The following CEP70 variants were observed in gnomAD, a reference collection of about 807,000 sequenced individuals.
CEP70 encodes the protein centrosomal protein 70, also known as centrosomal protein of 70 kDa.
CEP70 carries 70 observed loss-of-function variants against 90.9 expected under a neutral mutation model. The observed-to-expected ratio is 0.77, with a 90% CI of 0.64 to 0.94. CEP70 has a LOEUF of 0.94. CEP70 is among the 40% of genes least tolerant of loss of function. CEP70 has a pLI of 0.00. For synonymous variants in CEP70, 220 were observed against 228.3 expected (o/e 0.96, Z 0.33); for missense variants, 648 against 669.0 (o/e 0.97, Z 0.35).
intron 11 of CEP70, among the ~76,000 whole-genome samples, chr3:138,516,691 T>A (rs1209414573): frequency 6.6e-6 from 1 of 152,218 alleles, no homozygotes; most frequent in Non-Finnish European, 1.5e-5. Flanking sequence ...TGGCCCCTAT[T>A]ATTTTAACCC....
chr3:138,582,596 C>T (rs915719451), intron 2 of CEP70, among the ~76,000 whole-genome samples: 2 of 151,086 alleles, frequency 1.3e-5, no homozygotes, highest in African/African-American at 4.9e-5. Flanking sequence ...ATAGTGAAAC[C>T]CCATCTCTAC....
At chr3:138,561,507 C>A (rs999292191) in intron 6 of CEP70, among the ~76,000 whole-genome samples, 5 of 152,102 alleles carry the variant, frequency 3.3e-5, no homozygotes, top group African/African-American at 1.2e-4. Flanking sequence ...CAACTCCTCA[C>A]CACCAAGGAA....
intron 11 of CEP70, among the ~76,000 whole-genome samples, chr3:138,523,619 T>C (rs1178144859): frequency 6.6e-6 from 1 of 152,106 alleles, no homozygotes; most frequent in East Asian, 1.9e-4. Context: ...TGAACTCCCA[T>C]TCACAATTGC....
At chr3:138,565,845 G>A (rs1035749079) in intron 6 of CEP70, among the ~76,000 whole-genome samples, 48 of 152,130 alleles carry the variant, frequency 3.2e-4, no homozygotes, top group African/African-American at 1.1e-3. Context: ...AAACTAAAGA[G>A]CTTCTGCACA....
At chr3:138,538,556 G>A (rs910835848) in intron 6 of CEP70, among the ~76,000 whole-genome samples, 14 of 152,112 alleles carry the variant, frequency 9.2e-5, no homozygotes, top group African/African-American at 3.4e-4. Flanking sequence ...ACCCAAACAA[G>A]CCAGACAGTG....
intron 11 of CEP70, among the ~76,000 whole-genome samples, chr3:138,522,897 CA>C (rs2036811340): frequency 1.3e-5 from 2 of 152,120 alleles, no homozygotes; most frequent in African/African-American, 2.4e-5. Context: ...ATCCTGATAC[CA>C]AAGCCTGACA....
At position 138,516,319 on chromosome 3, in the gene CEP70, T is replaced by C. The variant is rs906350581; in HGVS notation, c.945-7775A>G. 2.0e-4 allele frequency among the ~76,000 whole-genome samples: 31 copies of C among 152,128 alleles called. 1 individual carries two copies. The highest frequency in any genetic ancestry group is 7.0e-4 in the African/African-American group (29 of 41,434). On this transcript the variant is annotated intron_variant, in intron 11 of 17. Coordinates refer to ENST00000264982, the MANE Select transcript of CEP70 (RefSeq NM_024491.4). ...GGAATAATTATTCATTGAATATGCA[T>C]GCATCCTTTCTGAACCTTCCACTTC...
At chr3:138,578,721 C>T (rs2041686793) in intron 2 of CEP70, among the ~76,000 whole-genome samples, 1 of 152,158 alleles carries the variant, frequency 6.6e-6, no homozygotes, top group Non-Finnish European at 1.5e-5. Flanking sequence ...GAACTCTCAA[C>T]CATTATAAAA....
Position 138,571,328 on chromosome 3 carries a change from T to G in CEP70, c.98A>C (p.Asn33Thr). 6.2e-7 allele frequency: 1 copy of G among 1,610,656 alleles called. No homozygotes were observed. The highest frequency in any genetic ancestry group is 1.3e-5 in the African/African-American group (1 of 74,968). ...TAAGCCATGCATCATCAATAGCACA[T>G]TTATGCTTTCCCATTCTGCTTCTTC... ...QQEEAEWESI[N>T]VLLMMHGLKP... Residue 33 changes from asparagine (N) to threonine (T), a missense_variant, in exon 4 of 18, where the codon AAT becomes ACT. Asn to Thr is a moderately conservative substitution (Grantham distance 65, BLOSUM62 0). Coordinates refer to ENST00000264982, the MANE Select transcript of CEP70 (RefSeq NM_024491.4).
intron 16 of CEP70, 83 bp downstream of exon 16, chr3:138,500,027 C>T: frequency 2.2e-6 from 2 of 908,800 alleles, no homozygotes; most frequent in East Asian, 4.9e-5. Context: ...CCACATCAGC[C>T]TCCCAAGTAG....
intron 2 of CEP70, among the ~76,000 whole-genome samples, chr3:138,590,052 T>A (rs529261798): frequency 6.6e-6 from 1 of 151,776 alleles, no homozygotes; most frequent in South Asian, 2.1e-4. Flanking sequence ...AATGGCTATA[T>A]ACTCTGACAA....
chr3:138,508,428 C>T lies in CEP70; in HGVS notation c.1050+11G>A. Reference sequence around the variant, plus strand: ...CATCAGTCTTTTTGTCATGAAAAATCAATTCAATACCTGAAAGTATCTCTG... The same window carrying T: ...CATCAGTCTTTTTGTCATGAAAAATTAATTCAATACCTGAAAGTATCTCTG... On this transcript the variant is annotated intron_variant, in intron 12 of 17. Coordinates refer to ENST00000264982, the MANE Select transcript of CEP70 (RefSeq NM_024491.4). The T allele has an allele frequency of 4.6e-6, 7 of 1,535,436 alleles. No homozygotes were observed. The highest frequency in any genetic ancestry group is 6.3e-6 in the Non-Finnish European group (7 of 1,108,690).
In CEP70 at chr3:138,500,539, A is replaced by G; in HGVS notation, c.1397T>C (p.Leu466Ser). The part of the protein sequence containing the change: ...KDSNMPHFQT[L>S]QAIVSHFQKL... ...TTGGAAGTGAGAAACAATAGCTTGC[A>G]AAGTTTGAAAGTGTGGCATATTGCT... The change falls in exon 15 of 18, where the codon TTG becomes TCG. Residue 466 changes from leucine to serine, a missense_variant. Coordinates refer to ENST00000264982, the MANE Select transcript of CEP70 (RefSeq NM_024491.4). The G allele has an allele frequency of 6.2e-7, 1 of 1,608,784 alleles. No homozygotes were observed. Among genetic ancestry groups the G allele is most frequent in the Non-Finnish European group, 8.5e-7 (1 of 1,178,670 alleles).
intron 2 of CEP70, among the ~76,000 whole-genome samples, chr3:138,588,360 G>T (rs1487824136): frequency 6.6e-6 from 1 of 152,084 alleles, no homozygotes; most frequent in Non-Finnish European, 1.5e-5. Context: ...GAATATATAG[G>T]GAACTCTCAA....
chr3:138,514,073 C>G (rs371121954), intron 11 of CEP70, among the ~76,000 whole-genome samples: 1 of 152,108 alleles, frequency 6.6e-6, no homozygotes, highest in South Asian at 2.1e-4. Flanking sequence ...CCTTTACTCT[C>G]TTTAAGATGT....
intron 6 of CEP70, among the ~76,000 whole-genome samples, chr3:138,563,727 T>C (rs1053823104): frequency 1.3e-5 from 2 of 152,138 alleles, no homozygotes; most frequent in Admixed American, 6.5e-5. Context: ...TAACACTAAG[T>C]GCCCACAAGA....
chr3:138,568,707 G>A (rs899567776), intron 6 of CEP70, among the ~76,000 whole-genome samples: 4 of 152,120 alleles, frequency 2.6e-5, no homozygotes, highest in Admixed American at 6.6e-5. Flanking sequence ...TAGGCCGGGC[G>A]CAGTGGCTCA....
intron 2 of CEP70, among the ~76,000 whole-genome samples, chr3:138,576,945 CA>C (rs1316669918): frequency 1.3e-5 from 2 of 152,102 alleles, no homozygotes; most frequent in Non-Finnish European, 2.9e-5. Flanking sequence ...GGAACCAACC[CA>C]AATGTCCATC....
intron 11 of CEP70, among the ~76,000 whole-genome samples, chr3:138,517,442 G>C (rs2036136844): frequency 6.9e-6 from 1 of 145,102 alleles, no homozygotes; most frequent in South Asian, 2.2e-4. Context: ...GGCAGAGGCG[G>C]GTGGATCACG....
Sources: allele counts gnomAD v4.1 joint callset (sites outside exome capture counted in the v4.1 genomes callset), GRCh38; gene constraint gnomAD v4.1.1; transcripts MANE v1.5; gene names NCBI Gene and HGNC (gene_info 2026-07-23, HGNC 2026-07-21).